Variants in CCNY observed in about 807,000 individuals in gnomAD.
CCNY encodes the protein cyclin-Y.
Under a neutral mutation model 42.8 loss-of-function variants are expected in CCNY, and 19 were observed. The ratio of observed to expected loss-of-function variants is 0.44; its 90% CI spans 0.31 to 0.65. The LOEUF (loss-of-function observed/expected upper bound fraction) is 0.65, where lower values mean the gene tolerates loss of function less well. CCNY is among the 30% of genes least tolerant of loss of function. The pLI, the probability that CCNY is intolerant of heterozygous loss-of-function variation, is 0.07. For missense variants in CCNY, 370 were observed against 437.3 expected, an observed-to-expected ratio of 0.85 and a Z score of 1.37; for synonymous variants, 165 against 162.7, an observed-to-expected ratio of 1.01 and a Z score of -0.11.
intron 1 of CCNY, among the ~76,000 whole-genome samples, chr10:35,382,609 T>C (rs1226072028): frequency 9.2e-5 from 14 of 152,266 alleles, no homozygotes; most frequent in Non-Finnish European, 2.9e-5. Flanking sequence ...TCCTGCTAAC[T>C]GTCCTGTGGT....
chr10:35,547,191 A>G (rs1409572855), intron 7 of CCNY, among the ~76,000 whole-genome samples: 1 of 152,204 alleles, frequency 6.6e-6, no homozygotes, highest in Non-Finnish European at 1.5e-5. Flanking sequence ...CTGAAGAGTT[A>G]CGATGTTCAC....
chr10:35,309,582 A>T (rs1252834554), intron 3 of CCNY, among the ~76,000 whole-genome samples: 3 of 151,906 alleles, frequency 2.0e-5, no homozygotes, highest in Non-Finnish European at 4.4e-5. Flanking sequence ...CACCATACCC[A>T]GCTAATTTTT....
intron 8 of CCNY, among the ~76,000 whole-genome samples, chr10:35,559,720 A>C (rs1201877263): frequency 6.6e-6 from 1 of 152,252 alleles, no homozygotes; most frequent in East Asian, 1.9e-4. Flanking sequence ...ACTGTCTGGC[A>C]TGACTTGTGA....
intron 1 of CCNY, among the ~76,000 whole-genome samples, chr10:35,340,863 C>G (rs1175780298): frequency 2.0e-5 from 3 of 152,230 alleles, no homozygotes; most frequent in Admixed American, 6.5e-5. Context: ...CTCCCTCGTC[C>G]TGTATCATAT....
intron 3 of CCNY, among the ~76,000 whole-genome samples, chr10:35,277,236 A>G (rs1000685837): frequency 2.6e-5 from 4 of 152,196 alleles, no homozygotes; most frequent in African/African-American, 9.7e-5. Context: ...CATCTTGCAT[A>G]ACATCTACCT....
At chr10:35,487,828 T>A (rs988865387) in intron 2 of CCNY, among the ~76,000 whole-genome samples, 4 of 152,130 alleles carry the variant, frequency 2.6e-5, no homozygotes, top group African/African-American at 9.7e-5. Flanking sequence ...GAGTTCCTCA[T>A]GGGGGTAGAG....
intron 3 of CCNY, among the ~76,000 whole-genome samples, chr10:35,267,564 G>A (rs2095726881): frequency 6.6e-6 from 1 of 152,142 alleles, no homozygotes; most frequent in South Asian, 2.1e-4. Flanking sequence ...GGGTAGATTT[G>A]GTCTGAGTCT....
intron 1 of CCNY, among the ~76,000 whole-genome samples, chr10:35,477,130 T>C (rs1319356744): frequency 6.6e-6 from 1 of 152,022 alleles, no homozygotes; most frequent in Non-Finnish European, 1.5e-5. Context: ...GGATCTGAAA[T>C]TGTGGCAATA....
chr10:35,432,055 G>A lies in CCNY; in HGVS notation c.155-51349G>A, dbSNP rs562999047. Among the ~76,000 whole-genome samples the A allele has an allele frequency of 3.6e-4, 55 of 152,326 alleles. 1 individual carries two copies. In the South Asian group the frequency reaches 9.7e-3, roughly 27 times the overall value. On this transcript the variant is annotated intron_variant, in intron 1 of 9. Transcript: ENST00000374704. Reference sequence around the variant, plus strand: ...AGGTCATATTATGGAGCGAATGTCAGTGCGAGAATCATCTTGCATATCAGT... The same window carrying A: ...AGGTCATATTATGGAGCGAATGTCAATGCGAGAATCATCTTGCATATCAGT...
At chr10:35,475,455 C>T (rs1249318786) in intron 1 of CCNY, among the ~76,000 whole-genome samples, 1 of 151,916 alleles carries the variant, frequency 6.6e-6, no homozygotes, top group Non-Finnish European at 1.5e-5. Flanking sequence ...AGAAACCCTA[C>T]AAGCCAGAAG....
chr10:35,276,910 TC>T (rs1835246025), intron 3 of CCNY, among the ~76,000 whole-genome samples: 2 of 152,218 alleles, frequency 1.3e-5, no homozygotes, highest in South Asian at 4.1e-4. Flanking sequence ...CCAAGAGCCA[TC>T]TTTGTGGTGT....
rs571554926 is a variant in CCNY, at chr10:35,567,002, A to G, written c.909+817A>G. Among the ~76,000 whole-genome samples the G allele has an allele frequency of 2.8e-4, 43 of 152,300 alleles. No homozygotes were observed. In the South Asian group the frequency reaches 5.0e-3, roughly 18 times the overall value. On this transcript the variant is annotated intron_variant, in intron 9 of 9. Coordinates refer to ENST00000374704, the MANE Select transcript of CCNY (RefSeq NM_145012.6). ...GCTGGTATTACAGGCATGAGCCACC[A>G]CAATTCTATTTTGAAATCAAATATT...
chr10:35,333,640 C>G (rs537433232), upstream of CCNY, among the ~76,000 whole-genome samples: 12 of 152,278 alleles, frequency 7.9e-5, no homozygotes, highest in Admixed American at 6.5e-4. Context: ...GATAGGTTTA[C>G]TTATCAAAGT....
At chr10:35,347,374 G>C in intron 1 of CCNY, 3 of 872,914 alleles carry the variant, frequency 3.4e-6, no homozygotes, top group South Asian at 1.1e-4. Flanking sequence ...CAGTTGGGTG[G>C]TGAAATGCAA....
chr10:35,464,389 T>C (rs1196591121), intron 1 of CCNY, among the ~76,000 whole-genome samples: 1 of 152,168 alleles, frequency 6.6e-6, no homozygotes, highest in Non-Finnish European at 1.5e-5. Context: ...CTCCTTGGGC[T>C]CATTTTTTTC....
At chr10:35,427,820 C>CA (rs1838302144) in intron 1 of CCNY, among the ~76,000 whole-genome samples, 1 of 152,062 alleles carries the variant, frequency 6.6e-6, no homozygotes, top group Non-Finnish European at 1.5e-5. Flanking sequence ...GAAAGAGCAG[C>CA]AAAACAAGTG....
At chr10:35,461,064 A>T (rs1439631873) in intron 1 of CCNY, among the ~76,000 whole-genome samples, 1 of 152,156 alleles carries the variant, frequency 6.6e-6, no homozygotes, top group East Asian at 1.9e-4. Context: ...GATGGCATGG[A>T]CAGCTCCCAG....
chr10:35,374,935 G>C (rs1564387550), intron 1 of CCNY, among the ~76,000 whole-genome samples: 1 of 151,984 alleles, frequency 6.6e-6, no homozygotes, highest in Non-Finnish European at 1.5e-5. Flanking sequence ...TCATTTGATG[G>C]AAAAAAGGGT....
chr10:35,269,636 G>GTT (rs1166005756), intron 3 of CCNY, among the ~76,000 whole-genome samples: 1 of 99,776 alleles, frequency 1.0e-5, no homozygotes, highest in Non-Finnish European at 2.1e-5. Flanking sequence ...TTTTTGTTTT[G>GTT]TTTTTTTTTT....
Sources: gnomAD v4.1 joint callset for allele counts (sites outside exome capture counted in the v4.1 genomes callset) on GRCh38, gnomAD v4.1.1 for gene constraint, MANE v1.5 for transcripts, NCBI Gene and HGNC (gene_info 2026-07-23, HGNC 2026-07-21) for gene names.